The following KMT2B variants were observed in gnomAD, a reference collection of about 807,000 sequenced individuals.
KMT2B encodes the protein lysine methyltransferase 2B, also known as histone-lysine N-methyltransferase 2B.
Under a neutral mutation model 255.3 loss-of-function variants are expected in KMT2B, and 22 were observed. That is an observed-to-expected ratio of 0.09 (90% CI 0.06 to 0.12). The LOEUF (loss-of-function observed/expected upper bound fraction) is 0.12, where lower values mean the gene tolerates loss of function less well. Among genes scored for constraint, KMT2B ranks in the 10% least tolerant of loss-of-function variants. The pLI is 1.00. For missense variants in KMT2B, 3,149 were observed against 3,737.0 expected (o/e 0.84, Z 4.10); for synonymous variants, 1,730 against 1,498.1 (o/e 1.15, Z -3.57).
chr19:35,720,836 C>G lies in KMT2B; in HGVS notation c.1489C>G (p.Pro497Ala). 2 of 1,553,926 alleles carry G rather than the reference C, an allele frequency of 1.3e-6. No homozygotes were observed. The highest frequency in any genetic ancestry group is 1.2e-5 in the South Asian group (1 of 82,964). The change falls in exon 3 of 37, where the codon CCA (proline) becomes GCA (alanine). Residue 497 changes from proline to alanine, a missense_variant. Coordinates refer to ENST00000420124, the MANE Select transcript of KMT2B (RefSeq NM_014727.3). ...GCCAGAGGGCACCTCTCCTCCCACT[C>G]CAACCCCCAGCACCGCCACGGGAGG... The part of the protein sequence containing the change: ...AGPEGTSPPT[P>A]TPSTATGGPP...
In KMT2B at chr19:35,736,604, T is replaced by A. The variant is rs568825220; in HGVS notation, c.7160-86T>A. The A allele has an allele frequency of 7.2e-5, 108 of 1,495,746 alleles. No individual in the cohort carries two copies. In the Admixed American group the frequency reaches 1.5e-3, roughly 21 times the overall value. 92.7% of individuals were successfully genotyped at this position (1,495,746 alleles called of 1,614,324 possible). ...TGTCTGCGCCTAGGGGTGGAGAGAG[T>A]GGTGTCTGCTGGGAGCACAGCGGGG... On this transcript the variant is annotated intron_variant, in intron 30 of 36. Coordinates refer to ENST00000420124, the MANE Select transcript of KMT2B (RefSeq NM_014727.3).
Position 35,720,191 on chromosome 19 carries a change from G to A in KMT2B, c.844G>A (p.Gly282Arg). The A allele has an allele frequency of 6.2e-7, 1 of 1,607,846 alleles. No homozygotes were observed. The highest frequency in any genetic ancestry group is 1.1e-5 in the South Asian group (1 of 90,152). Residue 282 changes from glycine to arginine, a missense_variant, in exon 3 of 37, where the codon GGA becomes AGA. Coordinates refer to ENST00000420124, the MANE Select transcript of KMT2B (RefSeq NM_014727.3). ...TCCAGGACCTGGGACCCCCAGGCGT[G>A]GAGGACAGTCAAGCCGTGGAGGCCG... is the stretch of plus-strand genomic sequence containing the variant. ...PGPGPGTPRR[G>R]GQSSRGGRGG...
rs374075740 is a variant in KMT2B at position 35,720,504 on chromosome 19, T to C, written c.1157T>C (p.Val386Ala). 6.5e-5 allele frequency: 100 copies of C among 1,550,290 alleles called. No individual in the cohort carries two copies. In the African/African-American group the frequency reaches 1.2e-3, roughly 19 times the overall value. ...KEGEEKEERA[V>A]AEEMMPAAEK... ...GGAGAAGAGAAGGAAGAAAGAGCTG[T>C]AGCTGAGGAGATGATGCCAGCTGCG... The change falls in exon 3 of 37, where the codon GTA (valine) becomes GCA (alanine). Residue 386 changes from valine (V) to alanine (A), a missense_variant. By Grantham distance (64) the Val-to-Ala change is moderately conservative (BLOSUM62 0). Transcript: ENST00000420124.
intron 4 of KMT2B, 42 bp from the exon 5 acceptor site, chr19:35,722,526 G>C (rs375266669): frequency 5.7e-6 from 9 of 1,591,968 alleles, no homozygotes; most frequent in Middle Eastern, 1.7e-4. Context: ...GTGGGGCTGC[G>C]GGAGCGCAAG....
intron 13 of KMT2B, 76 bp from the exon 14 acceptor site, chr19:35,726,160 C>A: frequency 9.1e-7 from 1 of 1,095,860 alleles, no homozygotes; most frequent in Non-Finnish European, 1.4e-6. Context: ...ATCCCCAATT[C>A]CTCCTCGCCC....
Position 35,729,990 on chromosome 19 carries a change from T to C in KMT2B, c.4941T>C (p.Pro1647=), listed in dbSNP as rs536710365. 25 of 1,613,446 alleles carry C rather than the reference T, an allele frequency of 1.5e-5. No homozygotes were observed. In the South Asian group the frequency reaches 2.2e-4, roughly 14 times the overall value. The change falls in exon 23 of 37, where the codon CCT becomes CCC. Residue 1647 remains proline (P), a synonymous_variant. Coordinates refer to ENST00000420124, the MANE Select transcript of KMT2B (RefSeq NM_014727.3). Reference sequence around the variant, plus strand: ...AGCGCTGCGAGCTCTGCCTGAAGCCTGGCGCCACGGTGGGCTGCTGCCTGT... The same window carrying C: ...AGCGCTGCGAGCTCTGCCTGAAGCCCGGCGCCACGGTGGGCTGCTGCCTGT... ...RQMRCELCLK[P]GATVGCCLSS... is the part of the protein sequence containing the mutation.
Position 35,723,970 on chromosome 19 carries a change from C to G in KMT2B, c.3297C>G (p.Gly1099=), listed in dbSNP as rs756495954. ...FEDSDDSEPG[G]PPAPRRRTPR... The stretch of plus-strand genomic sequence containing the variant: ...ATTCGGATGACTCGGAGCCCGGGGG[C>G]CCCCCTGCTCCTCGGCGTCGGACCC... Residue 1099 remains glycine (G), a synonymous_variant, in exon 8 of 37, where the codon GGC becomes GGG. Coordinates refer to ENST00000420124, the MANE Select transcript of KMT2B (RefSeq NM_014727.3). The surrounding 1 kb of genome is among the most constrained non-coding windows in gnomAD (Gnocchi z 7.5). 1.9e-6 allele frequency: 3 copies of G among 1,600,248 alleles called. No homozygotes were observed. Among genetic ancestry groups the G allele is most frequent in the South Asian group, 2.2e-5 (2 of 90,326 alleles).
chr19:35,727,473 T>A lies in KMT2B; in HGVS notation c.4153T>A (p.Ser1385Thr). Residue 1385 changes from serine (S) to threonine (T), a missense_variant, in exon 16 of 37, where the codon TCG becomes ACG. By Grantham distance (58) the Ser-to-Thr change is moderately conservative (BLOSUM62 1). This residue lies in a region of KMT2B where 377 missense variants were observed against 471.0 expected (regional missense o/e 0.80). Coordinates refer to ENST00000420124, the MANE Select transcript of KMT2B (RefSeq NM_014727.3). The surrounding 1 kb of genome is among the most constrained non-coding windows in gnomAD (Gnocchi z 4.2). ...DYEILSGLPDSVLYTCGPCAG... is the reference protein window; with the variant it reads ...DYEILSGLPDTVLYTCGPCAG... ...CGAGATCCTTTCAGGACTGCCAGAC[T>A]CGGTGCTGTACACCTGCGGACCGTG... 6.2e-7 allele frequency: 1 copy of A among 1,612,888 alleles called. No homozygotes were observed. Among genetic ancestry groups the A allele is most frequent in the Non-Finnish European group, 8.5e-7 (1 of 1,179,854 alleles).
At chr19:35,734,404 A>G (rs1969841597) in intron 30 of KMT2B, among the ~76,000 whole-genome samples, 1 of 152,112 alleles carries the variant, frequency 6.6e-6, no homozygotes, top group Non-Finnish European at 1.5e-5. Flanking sequence ...CAGAATTGAG[A>G]CCATGGTTGA....
At position 35,719,940 on chromosome 19, in the gene KMT2B, G is replaced by A. The variant is rs374930339; in HGVS notation, c.593G>A (p.Arg198Gln). ...GTGCAGGCACTGACTGAACTTCTCC[G>A]GCGGGCCCAGGCACCCCAAGCACCC... ...RMVQALTELLRRAQAPQAPRS... is the reference protein window; with the variant it reads ...RMVQALTELLQRAQAPQAPRS... Residue 198 changes from arginine to glutamine, a missense_variant, in exon 3 of 37, where the codon CGG becomes CAG. Physicochemically the swap from Arg to Gln is conservative, Grantham distance 43 (BLOSUM62 1). Transcript: ENST00000420124. The A allele has an allele frequency of 2.5e-5, 41 of 1,613,394 alleles. No homozygotes were observed. The highest frequency in any genetic ancestry group is 1.9e-4 in the African/African-American group (14 of 75,024).
chr19:35,719,588 C>T (rs774328728), intron 2 of KMT2B, 47 bp downstream of exon 2: 11 of 1,548,248 alleles, frequency 7.1e-6, no homozygotes, highest in Middle Eastern at 1.7e-4. Context: ...AGGAATTTAT[C>T]CTCGCCCTTC....
chr19:35,731,880 A>T, intron 26 of KMT2B, 28 bp from the exon 27 acceptor site: 1 of 1,535,448 alleles, frequency 6.5e-7, no homozygotes, highest in South Asian at 1.1e-5. Context: ...AGCCCCTACC[A>T]CCCCAATGCC....
Position 35,720,299 on chromosome 19 carries a change from C to G in KMT2B, c.952C>G (p.Gln318Glu). ...AAGGGCCAAAAAAGTAAAGATGGGA[C>G]AATTGTCCTTGGGACTCGAATCAGG... ...VSRAKKVKMG[Q>E]LSLGLESGQG... The change falls in exon 3 of 37, where the codon CAA becomes GAA. Residue 318 changes from glutamine to glutamate, a missense_variant. Physicochemically the swap from Gln to Glu is conservative, Grantham distance 29. Around this residue, in one of 18 missense-constraint regions of KMT2B, gnomAD observed 1,188 missense variants for 1,106.4 expected, o/e 1.07. Coordinates refer to ENST00000420124, the MANE Select transcript of KMT2B (RefSeq NM_014727.3). The G allele has an allele frequency of 1.2e-6, 2 of 1,613,368 alleles. No individual in the cohort carries two copies. Among genetic ancestry groups the G allele is most frequent in the South Asian group, 2.2e-5 (2 of 90,928 alleles).
At position 35,722,998 on chromosome 19, in the gene KMT2B, C is replaced by T. The variant is rs773450157; in HGVS notation, c.2726C>T (p.Thr909Ile). 4.4e-6 allele frequency: 7 copies of T among 1,589,318 alleles called. No homozygotes were observed. The highest frequency in any genetic ancestry group is 2.7e-5 in the African/African-American group (2 of 74,590). Reference sequence around the variant, plus strand: ...TCCTCCCTGCCTGCTGCAATAGATACATCATCGGCGTCCGAGACTGAGAGT... The same window carrying T: ...TCCTCCCTGCCTGCTGCAATAGATATATCATCGGCGTCCGAGACTGAGAGT... ...RDRQDLATED[T>I]SSASETESVP... Residue 909 changes from threonine to isoleucine, a missense_variant, in exon 6 of 37, where the codon ACA becomes ATA. Thr to Ile is a moderately conservative substitution (Grantham distance 89). Coordinates refer to ENST00000420124, the MANE Select transcript of KMT2B (RefSeq NM_014727.3).
In KMT2B at chr19:35,737,064, T is replaced by C; in HGVS notation, c.7373-22T>C. The C allele has an allele frequency of 1.2e-6, 2 of 1,610,314 alleles. No homozygotes were observed. The highest frequency in any genetic ancestry group is 1.7e-6 in the Non-Finnish European group (2 of 1,177,928). On this transcript the variant is annotated intron_variant, in intron 32 of 36. Transcript: ENST00000420124. This position sits in a 1 kb window ranked among gnomAD's most constrained non-coding sequence, Gnocchi z 5.3. ...CCATGGGCCCTCCACATGACAGGTG[T>C]GTCCTCAACATCTCCCCTCAGGAAT...
intron 24 of KMT2B, 24 bp downstream of exon 24, chr19:35,730,486 G>A (rs1173928813): frequency 4.3e-6 from 7 of 1,613,818 alleles, no homozygotes; most frequent in Middle Eastern, 1.6e-4. Flanking sequence ...TCTCCGCCCT[G>A]TCCTCCTACC....
chr19:35,727,396 TC>T lies in KMT2B; in HGVS notation c.4118-40del. On this transcript the variant is annotated intron_variant, in intron 15 of 36. Transcript: ENST00000420124. The surrounding 1 kb of genome is among the most constrained non-coding windows in gnomAD (Gnocchi z 4.2). The stretch of plus-strand genomic sequence containing the variant: ...CTAGGGGCTGCTGGGAGCCCTCACA[TC>T]CTCTGAAACCACTTTTCCCTTTCCC... The T allele has an allele frequency of 1.2e-6, 2 of 1,609,178 alleles. No homozygotes were observed. Among genetic ancestry groups the T allele is most frequent in the Non-Finnish European group, 1.7e-6 (2 of 1,176,312 alleles).
In KMT2B at chr19:35,721,691, T is replaced by C. The variant is rs1969219384; in HGVS notation, c.2344T>C (p.Ser782Pro). 1.9e-6 allele frequency: 3 copies of C among 1,611,140 alleles called. No homozygotes were observed. The highest frequency in any genetic ancestry group is 1.7e-5 in the Admixed American group (1 of 59,354). The change falls in exon 3 of 37, where the codon TCC becomes CCC. Residue 782 changes from serine to proline, a missense_variant. This residue lies in a region of KMT2B where 1,188 missense variants were observed against 1,106.4 expected (regional missense o/e 1.07). Coordinates refer to ENST00000420124, the MANE Select transcript of KMT2B (RefSeq NM_014727.3). ...LEKARIAGVG[S>P]LPLSGVEEKM... Reference sequence around the variant, plus strand: ...AAAAGCCCGGATTGCGGGCGTGGGTTCCTTGCCGCTGTCTGGGGTAGAGGA... The same window carrying C: ...AAAAGCCCGGATTGCGGGCGTGGGTCCCTTGCCGCTGTCTGGGGTAGAGGA...
At position 35,737,678 on chromosome 19, in the gene KMT2B, C is replaced by G; in HGVS notation, c.7593C>G (p.His2531Gln). 6.3e-7 allele frequency: 1 copy of G among 1,578,100 alleles called. No individual in the cohort carries two copies. The highest frequency in any genetic ancestry group is 8.6e-7 in the Non-Finnish European group (1 of 1,161,540). The change falls in exon 34 of 37, where the codon CAC becomes CAG. Residue 2531 changes from histidine to glutamine, a missense_variant. This residue lies in a region of KMT2B where 103 missense variants were observed against 200.7 expected (regional missense o/e 0.51). Transcript: ENST00000420124. This position sits in a 1 kb window ranked among gnomAD's most constrained non-coding sequence, Gnocchi z 5.3. ...FDMFNFLASQ[H>Q]RVLPEGATCD... The stretch of plus-strand genomic sequence containing the variant: ...TGTTCAACTTCCTGGCCTCCCAGCA[C>G]CGGGTGCTCCCTGAGGGGGCCACCT...
Sources: allele counts gnomAD v4.1 joint callset (sites outside exome capture counted in the v4.1 genomes callset), GRCh38; gene constraint gnomAD v4.1.1; regional missense constraint gnomAD v4.1.1; non-coding constraint Gnocchi (gnomAD v3.1); transcripts MANE v1.5; gene names NCBI Gene and HGNC (gene_info 2026-07-23, HGNC 2026-07-21).